The following CDH13 variants were observed in gnomAD, a reference collection of about 807,000 sequenced individuals.
CDH13 encodes cadherin-13.
CDH13 carries 24 observed loss-of-function variants against 63.8 expected under a neutral mutation model. The ratio of observed to expected loss-of-function variants is 0.38; its 90% CI spans 0.27 to 0.53. CDH13 has a LOEUF of 0.53. CDH13 is among the 20% of genes least tolerant of loss of function. The pLI is 0.85. For synonymous variants in CDH13, 503 were observed against 355.3 expected, an observed-to-expected ratio of 1.42 and a Z score of -4.67; for missense variants, 1,049 against 903.1, an observed-to-expected ratio of 1.16 and a Z score of -2.07.
intron 1 of CDH13, among the ~76,000 whole-genome samples, chr16:82,846,995 G>A (rs2039286393): frequency 6.6e-6 from 1 of 152,160 alleles, no homozygotes; most frequent in Non-Finnish European, 1.5e-5. Flanking sequence ...GACTCTGACA[G>A]CCTTGTCAAA....
chr16:83,675,613 C>G (rs1251596586), intron 9 of CDH13, among the ~76,000 whole-genome samples: 1 of 152,162 alleles, frequency 6.6e-6, no homozygotes, highest in African/African-American at 2.4e-5. Flanking sequence ...GGGAAATATT[C>G]AACATTCATC....
chr16:82,842,502 T>C (rs982255009), intron 1 of CDH13, among the ~76,000 whole-genome samples: 4 of 152,020 alleles, frequency 2.6e-5, no homozygotes, highest in Non-Finnish European at 4.4e-5. Flanking sequence ...TCCAGAACAG[T>C]GCTTTCTCCA....
intron 10 of CDH13, among the ~76,000 whole-genome samples, chr16:83,740,218 C>T (rs925838862): frequency 6.6e-6 from 1 of 151,912 alleles, no homozygotes; most frequent in Admixed American, 6.6e-5. Context: ...TCCTCTAGGA[C>T]CTTAGAGACC....
chr16:82,834,784 A>T (rs1054813997), intron 1 of CDH13, among the ~76,000 whole-genome samples: 7 of 151,892 alleles, frequency 4.6e-5, no homozygotes, highest in Non-Finnish European at 7.4e-5. Flanking sequence ...GGGTCTGCAA[A>T]CTCTGATCTG....
Position 83,344,991 on chromosome 16 carries a change from G to A in CDH13, c.766G>A (p.Glu256Lys). ...REGPYIGHVM[E>K]GSPTGTTVMR... is the part of the protein sequence containing the mutation. ...AGGCCCCTACATCGGCCACGTCATGGAAGGGTCACCCACAGGTATGTCACA... is the reference window on the plus strand; with the variant it reads ...AGGCCCCTACATCGGCCACGTCATGAAAGGGTCACCCACAGGTATGTCACA... The change falls in exon 6 of 14, where the codon GAA becomes AAA. Residue 256 changes from glutamate to lysine, a missense_variant. Transcript: ENST00000567109. The A allele has an allele frequency of 6.2e-7, 1 of 1,613,950 alleles. No homozygotes were observed. The highest frequency in any genetic ancestry group is 8.5e-7 in the Non-Finnish European group (1 of 1,179,830).
intron 6 of CDH13, among the ~76,000 whole-genome samples, chr16:83,438,353 G>C (rs1048624488): frequency 6.6e-6 from 1 of 152,226 alleles, no homozygotes; most frequent in East Asian, 1.9e-4. Context: ...TAAACCTAAT[G>C]GCACCAGGTG....
chr16:83,418,230 G>A (rs1490863810), intron 6 of CDH13, among the ~76,000 whole-genome samples: 2 of 152,128 alleles, frequency 1.3e-5, no homozygotes, highest in Admixed American at 6.6e-5. Context: ...TTTTATATGT[G>A]ATTATTTGGA....
At chr16:82,747,341 T>G (rs16958471) in intron 1 of CDH13, among the ~76,000 whole-genome samples, 15,527 of 152,174 alleles carry the variant, frequency 0.1, 919 homozygotes, top group East Asian at 0.26. Context: ...GTGTTTAAAG[T>G]TAAAGTATGC....
chr16:82,713,509 A>C (rs1378335610), intron 1 of CDH13, among the ~76,000 whole-genome samples: 2 of 151,662 alleles, frequency 1.3e-5, no homozygotes, highest in Non-Finnish European at 2.9e-5. Flanking sequence ...CTCTGCCAAC[A>C]CTCTGTGCGG....
intron 1 of CDH13, among the ~76,000 whole-genome samples, chr16:82,635,979 C>T (rs1048181942): frequency 6.6e-6 from 1 of 152,208 alleles, no homozygotes; most frequent in Non-Finnish European, 1.5e-5. Flanking sequence ...TTTCCTGAGG[C>T]CTTTGCAGCC....
intron 6 of CDH13, among the ~76,000 whole-genome samples, chr16:83,449,122 A>G (rs185732245): frequency 6.6e-6 from 1 of 152,306 alleles, no homozygotes; most frequent in East Asian, 1.9e-4. Flanking sequence ...CTACGTTTTA[A>G]ATGTCTTACA....
intron 6 of CDH13, among the ~76,000 whole-genome samples, chr16:83,453,246 G>C (rs2072930259): frequency 6.6e-6 from 1 of 152,170 alleles, no homozygotes; most frequent in Non-Finnish European, 1.5e-5. Flanking sequence ...AGGGATAAAA[G>C]ACTACAAATT....
chr16:83,346,416 T>TGAGGAAAGCGATTAAA (rs1197534093), intron 6 of CDH13, among the ~76,000 whole-genome samples: 7 of 152,128 alleles, frequency 4.6e-5, no homozygotes, highest in Non-Finnish European at 8.8e-5. Flanking sequence ...GGAGAACCAA[T>TGAGGAAAGCGATTAAA]GAGGAAAGCG....
chr16:83,252,606 C>G (rs1341853154), intron 5 of CDH13, among the ~76,000 whole-genome samples: 1 of 152,068 alleles, frequency 6.6e-6, no homozygotes, highest in Non-Finnish European at 1.5e-5. Context: ...CAAGTGCTGG[C>G]CGTTGGTGTC....
intron 10 of CDH13, among the ~76,000 whole-genome samples, chr16:83,736,482 T>C (rs1036720905): frequency 8.5e-5 from 13 of 152,234 alleles, no homozygotes; most frequent in Admixed American, 5.9e-4. Flanking sequence ...TCTGTATTGC[T>C]TGGCAGTCAA....
At chr16:82,971,048 G>C (rs1241797785) in intron 2 of CDH13, among the ~76,000 whole-genome samples, 2 of 152,054 alleles carry the variant, frequency 1.3e-5, no homozygotes, top group Non-Finnish European at 2.9e-5. Context: ...TACCATTCTG[G>C]GGCATACTGG....
chr16:83,779,184 A>T (rs1234181718), intron 11 of CDH13, among the ~76,000 whole-genome samples: 2 of 151,998 alleles, frequency 1.3e-5, no homozygotes, highest in African/African-American at 4.8e-5. Flanking sequence ...AGGCAGGCGG[A>T]TCACGAGGTC....
chr16:83,195,190 G>A (rs1314329664), intron 4 of CDH13, among the ~76,000 whole-genome samples: 3 of 152,306 alleles, frequency 2.0e-5, no homozygotes, highest in East Asian at 3.9e-4. Context: ...TATGATTGAA[G>A]TGGTTGTTAA....
At chr16:83,226,957 GGAA>G (rs1221456205) in intron 5 of CDH13, among the ~76,000 whole-genome samples, 5 of 152,176 alleles carry the variant, frequency 3.3e-5, no homozygotes, top group South Asian at 2.1e-4. Context: ...AGAAGGGAGA[GGAA>G]GAAGAAGTGC....
Sources: allele counts gnomAD v4.1 joint callset (sites outside exome capture counted in the v4.1 genomes callset), GRCh38; gene constraint gnomAD v4.1.1; transcripts MANE v1.5; gene names NCBI Gene and HGNC (gene_info 2026-07-23, HGNC 2026-07-21).